The following PRDM7 variants were observed in gnomAD, a reference collection of about 807,000 sequenced individuals.
The protein encoded by PRDM7 is PR/SET domain 7, also known as histone-lysine N-methyltransferase PRDM7.
In PRDM7, 52 loss-of-function variants were observed where a neutral mutation model predicts 64.3. The ratio of observed to expected loss-of-function variants is 0.81; its 90% CI spans 0.65 to 1.02. The LOEUF (loss-of-function observed/expected upper bound fraction) is 1.02. Ranked by LOEUF, PRDM7 falls within the 50% of genes least tolerant of loss-of-function variation. The pLI, the probability that PRDM7 is intolerant of heterozygous loss-of-function variation, is 0.00. For missense variants in PRDM7, 574 were observed against 597.1 expected (o/e 0.96, Z 0.40); for synonymous variants, 192 against 210.1 (o/e 0.91, Z 0.74).
At chr16:90,065,284 T>A (rs1264402521) in intron 5 of PRDM7, among the ~76,000 whole-genome samples, 3 of 145,532 alleles carry the variant, frequency 2.1e-5, no homozygotes, top group Non-Finnish European at 4.5e-5. Flanking sequence ...TCCCAGCTAC[T>A]CGGGAGGCTG....
In PRDM7 at chr16:90,057,663, G is replaced by C. The variant is rs530811333; in HGVS notation, c.*626C>G. On this transcript the variant is annotated 3_prime_UTR_variant, in exon 11 of 11. Transcript: ENST00000449207. ...TATCCCCTGTTCTTCCTCAACTCTA[G>C]TCATGAAAGTGGCGGATTTGTTTAA... The C allele has an allele frequency of 1.6e-5, 18 of 1,120,628 alleles. No individual in the cohort carries two copies. The highest frequency in any genetic ancestry group is 1.9e-5 in the Non-Finnish European group (17 of 882,286). 69.4% of individuals were successfully genotyped at this position (1,120,628 alleles called of 1,614,324 possible). A position where few individuals can be genotyped will look rare whatever the true frequency, so the allele number is the denominator to read the frequency against.
chr16:90,074,318 C>CATCAAA, intron 4 of PRDM7, among the ~76,000 whole-genome samples: 1 of 150,514 alleles, frequency 6.6e-6, no homozygotes, highest in South Asian at 2.1e-4. Context: ...TCATCATCAT[C>CATCAAA]ATCATCCCAG....
In PRDM7 at chr16:90,061,959, C is replaced by T; in HGVS notation, c.844G>A (p.Glu282Lys). 1 of 1,614,272 alleles carries T rather than the reference C, an allele frequency of 6.2e-7. No homozygotes were observed. Among genetic ancestry groups the T allele is most frequent in the Non-Finnish European group, 8.5e-7 (1 of 1,180,052 alleles). Residue 282 changes from glutamate (E) to lysine (K), a missense_variant, in exon 8 of 11, where the codon GAA (glutamate) becomes AAA (lysine). Physicochemically the swap from Glu to Lys is moderately conservative, Grantham distance 56. Transcript: ENST00000449207. ...CCACTGTTGGCTGCCTCTTCGTCTT[C>T]TGTAATTCGGCCCTCATAGGGGCCA... Reference protein sequence around the residue: ...HFGPYEGRITEDEEAANSGYS... With the variant: ...HFGPYEGRITKDEEAANSGYS...
At chr16:90,073,455 A>C (rs1253088153) in intron 4 of PRDM7, among the ~76,000 whole-genome samples, 8 of 149,778 alleles carry the variant, frequency 5.3e-5, no homozygotes, top group Non-Finnish European at 1.2e-4. Context: ...GCCGGAGTGC[A>C]GTGGTGCTAT....
intron 4 of PRDM7, among the ~76,000 whole-genome samples, chr16:90,074,367 A>G (rs1315958446): frequency 6.6e-6 from 1 of 152,008 alleles, no homozygotes; most frequent in Non-Finnish European, 1.5e-5. Flanking sequence ...ACTTGAGGCC[A>G]GGAATTCGAG....
Position 90,057,926 on chromosome 16 carries a change from C to T in PRDM7, c.*363G>A. On this transcript the variant is annotated 3_prime_UTR_variant, in exon 11 of 11. Coordinates refer to ENST00000449207, the MANE Select transcript of PRDM7 (RefSeq NM_001098173.2). ...TGACTTCCGGCTAAAGCCCCGCTCA[C>T]ACTCTCTGCAGACATAAGGCTTCTC... 6.3e-7 allele frequency: 1 copy of T among 1,582,858 alleles called. No homozygotes were observed. The highest frequency in any genetic ancestry group is 2.3e-5 in the East Asian group (1 of 42,974).
chr16:90,063,465 C>T lies in PRDM7; in HGVS notation c.508+147G>A, dbSNP rs2037817348. On this transcript the variant is annotated intron_variant, in intron 6 of 10. Coordinates refer to ENST00000449207, the MANE Select transcript of PRDM7 (RefSeq NM_001098173.2). ...TGAACAAATAAATAAATAATTTTAACAAAATACTGCATCTAACTTCTGGTC... is the reference window on the plus strand; with the variant it reads ...TGAACAAATAAATAAATAATTTTAATAAAATACTGCATCTAACTTCTGGTC... 7 of 815,914 alleles carry T rather than the reference C, an allele frequency of 8.6e-6. No homozygotes were observed. In the South Asian group the frequency reaches 1.3e-4, roughly 15 times the overall value. 50.5% of individuals were successfully genotyped at this position (815,914 alleles called of 1,614,324 possible). A position where few individuals can be genotyped will look rare whatever the true frequency, so the allele number is the denominator to read the frequency against.
chr16:90,075,929 A>C lies in PRDM7; in HGVS notation c.-19T>G. 6.2e-7 allele frequency: 1 copy of C among 1,611,668 alleles called. No homozygotes were observed. Among genetic ancestry groups the C allele is most frequent in the Non-Finnish European group, 8.5e-7 (1 of 1,178,636 alleles). ...GGCTCATGGTGCTGGGACTGTCTAG[A>C]AGGCCCTGCTCCAATTCTGAGTGTG... On this transcript the variant is annotated 5_prime_UTR_variant, in exon 2 of 11. Coordinates refer to ENST00000449207, the MANE Select transcript of PRDM7 (RefSeq NM_001098173.2). The surrounding 1 kb of genome is among the most constrained non-coding windows in gnomAD (Gnocchi z 4.3).
Position 90,058,098 on chromosome 16 carries a change from TC to T in PRDM7, c.*190del. ...TATCACTGAAACCTTGCCCACACTC[TC>T]CATATTTGACTTTCGCAATTCTTGA... On this transcript the variant is annotated 3_prime_UTR_variant, in exon 11 of 11. Coordinates refer to ENST00000449207, the MANE Select transcript of PRDM7 (RefSeq NM_001098173.2). 6.2e-7 allele frequency: 1 copy of T among 1,614,018 alleles called. No homozygotes were observed. The highest frequency in any genetic ancestry group is 1.1e-5 in the South Asian group (1 of 91,082).
intron 9 of PRDM7, among the ~76,000 whole-genome samples, 178 bp from the exon 10 acceptor site, chr16:90,060,801 C>T (rs1044762341): frequency 4.6e-5 from 7 of 152,216 alleles, no homozygotes; most frequent in African/African-American, 1.7e-4. Context: ...TGACCTCTAG[C>T]TTCTCTAAAC....
At chr16:90,066,835 G>A (rs1224618586) in intron 5 of PRDM7, 26 bp downstream of exon 5, 3 of 1,549,706 alleles carry the variant, frequency 1.9e-6, no homozygotes. Context: ...AAGGTTTCTT[G>A]TCAACAGGAT....
Position 90,061,042 on chromosome 16 carries a change from A to G in PRDM7, c.950+410T>C, listed in dbSNP as rs570512056. Among the ~76,000 whole-genome samples the G allele has an allele frequency of 7.8e-4, 119 of 152,292 alleles. 1 individual carries two copies. Among genetic ancestry groups the G allele is most frequent in the African/African-American group, 2.7e-3 (112 of 41,564 alleles). On this transcript the variant is annotated intron_variant, in intron 9 of 10. Coordinates refer to ENST00000449207, the MANE Select transcript of PRDM7 (RefSeq NM_001098173.2). ...CAATAACATAGAACAGTAATAGTTG[A>G]TTCATTTTTCTATTCTCTGATAGAA...
In PRDM7 at chr16:90,075,931, G is replaced by C. The variant is rs1365920280; in HGVS notation, c.-21C>G. On this transcript the variant is annotated 5_prime_UTR_variant, in exon 2 of 11. Coordinates refer to ENST00000449207, the MANE Select transcript of PRDM7 (RefSeq NM_001098173.2). This position sits in a 1 kb window ranked among gnomAD's most constrained non-coding sequence, Gnocchi z 4.3. ...CTCATGGTGCTGGGACTGTCTAGAA[G>C]GCCCTGCTCCAATTCTGAGTGTGGG... The C allele has an allele frequency of 6.2e-7, 1 of 1,611,338 alleles. No individual in the cohort carries two copies. Among genetic ancestry groups the C allele is most frequent in the Non-Finnish European group, 8.5e-7 (1 of 1,178,544 alleles).
At chr16:90,071,445 T>C (rs2037954434) in intron 4 of PRDM7, among the ~76,000 whole-genome samples, 1 of 152,166 alleles carries the variant, frequency 6.6e-6, no homozygotes, top group African/African-American at 2.4e-5. Flanking sequence ...GGGTAATTTA[T>C]AAAGAAAATA....
rs574313407 is a variant in PRDM7, at chr16:90,074,973, T to C, written c.244A>G (p.Lys82Glu). The C allele has an allele frequency of 1.9e-6, 3 of 1,614,166 alleles. No homozygotes were observed. The Admixed American group carries it at 5.0e-5, about 27-fold the overall frequency. ...AFMCHRRQAIKLQVDDTEDSD... is the reference protein window; with the variant it reads ...AFMCHRRQAIELQVDDTEDSD... ...TCTTCTGTGTCATCCACCTGGAGTT[T>C]GATGGCCTGCCTTCGGTGACACATG... The change falls in exon 4 of 11, where the codon AAA becomes GAA. Residue 82 changes from lysine (K) to glutamate (E), a missense_variant. Coordinates refer to ENST00000449207, the MANE Select transcript of PRDM7 (RefSeq NM_001098173.2).
chr16:90,063,845 T>C, intron 5 of PRDM7, 77 bp from the exon 6 acceptor site: 1 of 1,529,268 alleles, frequency 6.5e-7, no homozygotes, highest in Non-Finnish European at 8.9e-7. Flanking sequence ...TGTTTTCATA[T>C]GACTGTAGTT....
intron 4 of PRDM7, among the ~76,000 whole-genome samples, chr16:90,068,849 G>A (rs770225238): frequency 1.3e-4 from 20 of 151,074 alleles, no homozygotes; most frequent in Non-Finnish European, 2.5e-4. Context: ...AAACAGTGCC[G>A]ACAGAAATTT....
intron 4 of PRDM7, among the ~76,000 whole-genome samples, chr16:90,067,140 A>G (rs1273629194): frequency 6.6e-6 from 1 of 150,784 alleles, no homozygotes; most frequent in Non-Finnish European, 1.5e-5. Context: ...TAATTTTTGC[A>G]TTTTTAGTAG....
chr16:90,073,387 A>T (rs548199208), intron 4 of PRDM7, among the ~76,000 whole-genome samples: 4 of 151,752 alleles, frequency 2.6e-5, no homozygotes, highest in South Asian at 2.1e-4. Flanking sequence ...TCTTTTTTTT[A>T]AAAAAAGAAT....
Sources: gnomAD v4.1 joint callset for allele counts (sites outside exome capture counted in the v4.1 genomes callset) on GRCh38, gnomAD v4.1.1 for gene constraint, Gnocchi (gnomAD v3.1) non-coding constraint, MANE v1.5 for transcripts, NCBI Gene and HGNC (gene_info 2026-07-23, HGNC 2026-07-21) for gene names.